The following PPP2R1B variants were observed in gnomAD, a reference collection of about 807,000 sequenced individuals.
The protein encoded by PPP2R1B is serine/threonine-protein phosphatase 2A 65 kDa regulatory subunit A beta isoform.
A neutral mutation model predicts 72.7 loss-of-function variants in PPP2R1B; 58 were observed. The ratio of observed to expected loss-of-function variants is 0.80; its 90% CI spans 0.65 to 0.99. PPP2R1B has a LOEUF of 0.99. Among genes scored for constraint, PPP2R1B ranks in the 50% least tolerant of loss-of-function variants. The pLI is 0.00. For missense variants in PPP2R1B, 695 were observed against 733.6 expected, an observed-to-expected ratio of 0.95 and a Z score of 0.61; for synonymous variants, 256 against 264.6, an observed-to-expected ratio of 0.97 and a Z score of 0.32.
the PPP2R1B span, among the ~76,000 whole-genome samples, chr11:111,689,424 C>G: frequency 6.6e-6 from 1 of 152,120 alleles, no homozygotes; most frequent in Non-Finnish European, 1.5e-5. Context: ...AATAAGGAAT[C>G]TAGTGCAATA....
the PPP2R1B span, chr11:111,720,724 G>A: frequency 6.2e-7 from 1 of 1,610,282 alleles, no homozygotes; most frequent in Non-Finnish European, 8.5e-7. Flanking sequence ...GTGAGCTTCA[G>A]AGAGGGCCGC....
At position 111,753,443 on chromosome 11, in the gene PPP2R1B, C is replaced by A. The variant is rs1591697167; in HGVS notation, c.1164G>T (p.Glu388Asp). 6.2e-7 allele frequency: 1 copy of A among 1,611,860 alleles called. No homozygotes were observed. Among genetic ancestry groups the A allele is most frequent in the East Asian group, 2.2e-5 (1 of 44,838 alleles). Reference protein sequence around the residue: ...LPLFLAQLKDECPDVRLNIIS... With the variant: ...LPLFLAQLKDDCPDVRLNIIS... The stretch of plus-strand genomic sequence containing the variant: ...CAACAGAACATAAAGCAAGACCCAC[C>A]TCATCCTTTAACTGAGCTAAGAAAA... The change falls in exon 9 of 15, where the codon GAG becomes GAT. Residue 388 changes from glutamate to aspartate, a missense_variant and splice_region_variant. Glu to Asp is a conservative substitution (Grantham distance 45). Transcript: ENST00000527614.
chr11:111,696,843 A>C, the PPP2R1B span, among the ~76,000 whole-genome samples: 2 of 152,226 alleles, frequency 1.3e-5, no homozygotes, highest in African/African-American at 4.8e-5. Flanking sequence ...ATTTCATTTG[A>C]ATAAATGGCA....
the PPP2R1B span, among the ~76,000 whole-genome samples, chr11:111,699,094 T>G: frequency 6.6e-6 from 1 of 152,210 alleles, no homozygotes; most frequent in Non-Finnish European, 1.5e-5. Flanking sequence ...GGTGGTACTG[T>G]GAAGATAAGG....
chr11:111,723,946 G>A, downstream of PPP2R1B: 1 of 1,614,088 alleles, frequency 6.2e-7, no homozygotes, highest in Non-Finnish European at 8.5e-7. Context: ...CTCCCTGTCA[G>A]TATCCTGTGG....
downstream of PPP2R1B, among the ~76,000 whole-genome samples, chr11:111,735,485 G>A (rs1035035597): frequency 6.6e-6 from 1 of 152,226 alleles, no homozygotes; most frequent in African/African-American, 2.4e-5. Context: ...TCCCGTCCAG[G>A]AGTGAGCCGC....
chr11:111,703,132 C>A, the PPP2R1B span: 1 of 1,404,224 alleles, frequency 7.1e-7, no homozygotes, highest in Non-Finnish European at 1.0e-6. Context: ...TACAAAGTCA[C>A]ATGAGTCAAG....
At chr11:111,702,824 G>A in the PPP2R1B span, among the ~76,000 whole-genome samples, 2 of 152,186 alleles carry the variant, frequency 1.3e-5, no homozygotes, top group African/African-American at 2.4e-5. Context: ...CCTCGCTTAC[G>A]TAGCCTTAGT....
At chr11:111,703,636 A>G in the PPP2R1B span, among the ~76,000 whole-genome samples, 1 of 152,246 alleles carries the variant, frequency 6.6e-6, no homozygotes, top group Non-Finnish European at 1.5e-5. Flanking sequence ...AACATTCAAG[A>G]GGAGGCATTT....
intron 4 of PPP2R1B, among the ~76,000 whole-genome samples, chr11:111,760,206 T>C (rs781875853): frequency 1.4e-4 from 22 of 152,182 alleles, no homozygotes; most frequent in Non-Finnish European, 1.8e-4. Context: ...AGGCCAGGAA[T>C]TGAAAGCAGA....
rs574261697 is a variant in PPP2R1B, at chr11:111,748,427, T to A, written c.1339-413A>T. The stretch of plus-strand genomic sequence containing the variant: ...TTTTGGTTACTATTATGACAAATCC[T>A]TAAGGATAAAGCAACTGACCTCAAG... On this transcript the variant is annotated intron_variant, in intron 10 of 14. Coordinates refer to ENST00000527614, the MANE Select transcript of PPP2R1B (RefSeq NM_002716.5). Among the ~76,000 whole-genome samples the A allele has an allele frequency of 5.9e-5, 9 of 152,384 alleles. No homozygotes were observed. The South Asian group carries it at 1.9e-3, about 32-fold the overall frequency.
At chr11:111,753,391 C>A (rs1944983773) in intron 9 of PPP2R1B, 52 bp downstream of exon 9, 1 of 1,572,998 alleles carries the variant, frequency 6.4e-7, no homozygotes, top group East Asian at 2.2e-5. Flanking sequence ...AAACCAAAAT[C>A]AAATAAAATC....
rs373768213 is a variant in PPP2R1B, at chr11:111,754,768, A to AT, written c.959-200dup. On this transcript the variant is annotated intron_variant, in intron 7 of 14. Coordinates refer to ENST00000527614, the MANE Select transcript of PPP2R1B (RefSeq NM_002716.5). ...ATCACACCAATCCAACCTGAAAGGCATTTTTTTTTTTACAAAAACAAGACA... is the reference window on the plus strand; with the variant it reads ...ATCACACCAATCCAACCTGAAAGGCATTTTTTTTTTTTACAAAAACAAGACA... Among the ~76,000 whole-genome samples the AT allele has an allele frequency of 9.0e-3, 1,330 of 148,168 alleles. 12 individuals are homozygous for AT. Among genetic ancestry groups the AT allele is most frequent in the Middle Eastern group, 0.059 (17 of 290 alleles).
At chr11:111,717,303 G>A in the PPP2R1B span, among the ~76,000 whole-genome samples, 1 of 115,576 alleles carries the variant, frequency 8.7e-6, no homozygotes. Flanking sequence ...GGGCGACAGA[G>A]CGAGACTCCG....
intron 10 of PPP2R1B, among the ~76,000 whole-genome samples, chr11:111,749,829 T>C (rs1354816067): frequency 2.0e-5 from 3 of 152,322 alleles, no homozygotes; most frequent in South Asian, 2.1e-4. Context: ...CCATCTGCCT[T>C]GCTTTCACAC....
Position 111,741,001 on chromosome 11 carries a change from T to C in PPP2R1B, c.*595A>G. 1.0e-6 allele frequency: 1 copy of C among 985,638 alleles called. No individual in the cohort carries two copies. The highest frequency in any genetic ancestry group is 5.2e-4 in the Middle Eastern group (1 of 1,914). The allele number at this position is 985,638 out of a possible 1,614,324, so 61.1% of individuals were successfully genotyped here. The stretch of plus-strand genomic sequence containing the variant: ...TGAATGACATGAGTACAGACAAAAT[T>C]GAGCAAATAAAAACCAAAACAACCA... On this transcript the variant is annotated 3_prime_UTR_variant, in exon 15 of 15. Transcript: ENST00000527614.
chr11:111,709,387 G>A, the PPP2R1B span, among the ~76,000 whole-genome samples: 2 of 152,174 alleles, frequency 1.3e-5, no homozygotes, highest in African/African-American at 4.8e-5. Context: ...GTGAATTTTG[G>A]CAGGACACAA....
At chr11:111,715,607 T>C in the PPP2R1B span, among the ~76,000 whole-genome samples, 1,132 of 152,272 alleles carry the variant, frequency 7.4e-3, 8 homozygotes, top group Middle Eastern at 0.061. Flanking sequence ...CTGAGATAGT[T>C]GCCCAACTCT....
At chr11:111,717,939 C>T in the PPP2R1B span, among the ~76,000 whole-genome samples, 3 of 152,036 alleles carry the variant, frequency 2.0e-5, no homozygotes, top group African/African-American at 7.2e-5. Context: ...GGAGGGAGAG[C>T]ATCAGGAAGA....
Sources: gnomAD v4.1 joint callset for allele counts (sites outside exome capture counted in the v4.1 genomes callset) on GRCh38, gnomAD v4.1.1 for gene constraint, MANE v1.5 for transcripts, NCBI Gene and HGNC (gene_info 2026-07-23, HGNC 2026-07-21) for gene names.